Variants in ADORA1 observed in about 807,000 individuals in gnomAD.
ADORA1 encodes adenosine receptor A1.
A neutral mutation model predicts 19.9 loss-of-function variants in ADORA1; 6 were observed. The ratio of observed to expected loss-of-function variants is 0.30; its 90% CI spans 0.17 to 0.59. ADORA1 has a LOEUF of 0.59. Ranked by LOEUF, ADORA1 falls within the 20% of genes least tolerant of loss-of-function variation. The pLI is 0.87. For synonymous variants in ADORA1, 194 were observed against 188.4 expected (o/e 1.03, Z -0.24); for missense variants, 302 against 439.2 (o/e 0.69, Z 2.79).
rs1425055839 is a variant in ADORA1, at chr1:203,166,431, C to A, written c.*531C>A. On this transcript the variant is annotated 3_prime_UTR_variant, in exon 4 of 4. Transcript: ENST00000337894. Reference sequence around the variant, plus strand: ...TGTAGGAGAGACTGGCCAGAGGCAGCTAAGGGGCAGGAATCAAGGAGCCTC... The same window carrying A: ...TGTAGGAGAGACTGGCCAGAGGCAGATAAGGGGCAGGAATCAAGGAGCCTC... The A allele has an allele frequency of 6.6e-6, 1 of 152,582 alleles. No individual in the cohort carries two copies. The highest frequency in any genetic ancestry group is 2.4e-5 in the African/African-American group (1 of 41,426). The allele number at this position is 152,582 out of a possible 1,614,324, so 9.5% of individuals were successfully genotyped here.
In ADORA1 at chr1:203,160,367, A is replaced by G. The variant is rs540792235; in HGVS notation, c.342-4894A>G. On this transcript the variant is annotated intron_variant, in intron 3 of 3. Coordinates refer to ENST00000337894, the MANE Select transcript of ADORA1 (RefSeq NM_000674.3). ...TAATCTGGAAATCTGAAATGCTCAA[A>G]TGAACATTTTTCTTTGAGCGTCTTG... 1.3e-3 allele frequency among the ~76,000 whole-genome samples: 197 copies of G among 152,340 alleles called. 1 individual carries two copies. Among genetic ancestry groups the G allele is most frequent in the African/African-American group, 4.6e-3 (193 of 41,582 alleles).
At chr1:203,164,459 G>A (rs1655468389) in intron 3 of ADORA1, among the ~76,000 whole-genome samples, 1 of 152,238 alleles carries the variant, frequency 6.6e-6, no homozygotes, top group African/African-American at 2.4e-5. Context: ...ATGACTGAAA[G>A]TATCTAGCAT....
chr1:203,141,728 A>G (rs2102744821), intron 3 of ADORA1, among the ~76,000 whole-genome samples: 1 of 151,994 alleles, frequency 6.6e-6, no homozygotes, highest in African/African-American at 2.4e-5. Flanking sequence ...CTATAGGCTC[A>G]TGCCACCACG....
intron 3 of ADORA1, among the ~76,000 whole-genome samples, chr1:203,154,562 G>A (rs1053667518): frequency 6.6e-6 from 1 of 152,162 alleles, no homozygotes; most frequent in African/African-American, 2.4e-5. Context: ...GGTAGAAGCC[G>A]CACCCATGGT....
intron 3 of ADORA1, among the ~76,000 whole-genome samples, chr1:203,139,522 C>T (rs1177539239): frequency 1.3e-5 from 2 of 152,178 alleles, no homozygotes; most frequent in East Asian, 3.8e-4. Context: ...ATGAAGGGCC[C>T]CCCTTAAGTT....
chr1:203,133,828 G>A (rs191353338), intron 3 of ADORA1, among the ~76,000 whole-genome samples: 1 of 152,312 alleles, frequency 6.6e-6, no homozygotes, highest in East Asian at 1.9e-4. Flanking sequence ...GCCAGAGTGG[G>A]GAAAGAAATC....
chr1:203,148,882 C>A (rs764065374), intron 3 of ADORA1, among the ~76,000 whole-genome samples: 17 of 151,948 alleles, frequency 1.1e-4, no homozygotes, highest in Non-Finnish European at 2.4e-4. Context: ...TGTCTCTCTG[C>A]ATTTTTTTTT....
chr1:203,136,848 C>A (rs1413760120), intron 3 of ADORA1, among the ~76,000 whole-genome samples: 2 of 152,230 alleles, frequency 1.3e-5, no homozygotes, highest in Non-Finnish European at 1.5e-5. Flanking sequence ...TAGACCTACT[C>A]ATTCATTAAT....
At position 203,165,797 on chromosome 1, in the gene ADORA1, A is replaced by C; in HGVS notation, c.878A>C (p.Gln293Pro). 1.2e-6 allele frequency: 2 copies of C among 1,613,326 alleles called. No homozygotes were observed. The highest frequency in any genetic ancestry group is 1.7e-6 in the Non-Finnish European group (2 of 1,179,570). The change falls in exon 4 of 4, where the codon CAG (glutamine) becomes CCG (proline). Residue 293 changes from glutamine to proline, a missense_variant. Gln to Pro is a moderately conservative substitution (Grantham distance 76). Coordinates refer to ENST00000337894, the MANE Select transcript of ADORA1 (RefSeq NM_000674.3). This position sits in a 1 kb window ranked among gnomAD's most constrained non-coding sequence, Gnocchi z 5.9. Reference protein sequence around the residue: ...MNPIVYAFRIQKFRVTFLKIW... With the variant: ...MNPIVYAFRIPKFRVTFLKIW... ...CCCATTGTCTATGCCTTCCGCATCC[A>C]GAAGTTCCGCGTCACCTTCCTTAAG...
At chr1:203,153,441 T>C (rs570033022) in intron 3 of ADORA1, among the ~76,000 whole-genome samples, 2 of 152,312 alleles carry the variant, frequency 1.3e-5, no homozygotes, top group South Asian at 2.1e-4. Flanking sequence ...TGTGGAGTTA[T>C]TTGTCCTCAG....
At chr1:203,137,898 A>C (rs961356926) in intron 3 of ADORA1, among the ~76,000 whole-genome samples, 6 of 152,220 alleles carry the variant, frequency 3.9e-5, no homozygotes, top group African/African-American at 1.4e-4. Context: ...ATGTGGAGTC[A>C]AGCAGTTTGC....
chr1:203,134,896 C>T (rs1558127409), intron 3 of ADORA1, among the ~76,000 whole-genome samples: 1 of 152,130 alleles, frequency 6.6e-6, no homozygotes, highest in Admixed American at 6.5e-5. Context: ...ATAAGCATTT[C>T]CCTGTGTCAA....
chr1:203,159,779 C>T (rs1655306232), intron 3 of ADORA1, among the ~76,000 whole-genome samples: 1 of 152,184 alleles, frequency 6.6e-6, no homozygotes. Context: ...TCAATGAATA[C>T]CCCTTTAATA....
In ADORA1 at chr1:203,128,216, G is replaced by T. The variant is rs1654211994; in HGVS notation, c.-212-62G>T. On this transcript the variant is annotated intron_variant, in intron 1 of 3. Coordinates refer to ENST00000337894, the MANE Select transcript of ADORA1 (RefSeq NM_000674.3). The surrounding 1 kb of genome is among the most constrained non-coding windows in gnomAD (Gnocchi z 5.9). ...CCCCAGTCCCAGGTGCGAAACAGGG[G>T]CGCTACCTCTTTAAAAGCGTCCGGG... 1 of 799,590 alleles carries T rather than the reference G, an allele frequency of 1.3e-6. No individual in the cohort carries two copies. Among genetic ancestry groups the T allele is most frequent in the Non-Finnish European group, 1.7e-6 (1 of 579,624 alleles). 49.5% of individuals were successfully genotyped at this position (799,590 alleles called of 1,614,324 possible).
At chr1:203,161,960 G>T (rs1012312107) in intron 3 of ADORA1, among the ~76,000 whole-genome samples, 1 of 152,138 alleles carries the variant, frequency 6.6e-6, no homozygotes, top group Non-Finnish European at 1.5e-5. Context: ...CTGTTCTGTT[G>T]CTCTCCCATT....
chr1:203,146,333 GA>G (rs1654857767), intron 3 of ADORA1, among the ~76,000 whole-genome samples: 1 of 152,160 alleles, frequency 6.6e-6, no homozygotes, highest in Non-Finnish European at 1.5e-5. Context: ...GGGCAAGACA[GA>G]ATATAAGATC....
intron 3 of ADORA1, chr1:203,144,718 C>T (rs150620216): frequency 8.5e-5 from 13 of 152,290 alleles, no homozygotes; most frequent in East Asian, 5.8e-4. Context: ...ATAGGATGGG[C>T]GCCATTCCAA....
chr1:203,148,952 A>G lies in ADORA1; in HGVS notation c.342-16309A>G, dbSNP rs141417106. On this transcript the variant is annotated intron_variant, in intron 3 of 3. Coordinates refer to ENST00000337894, the MANE Select transcript of ADORA1 (RefSeq NM_000674.3). ...GAGTGCAATGGCATGATTTCGGCTCACTGCAACCTCCGCCGCCCGGGTTCA... is the reference window on the plus strand; with the variant it reads ...GAGTGCAATGGCATGATTTCGGCTCGCTGCAACCTCCGCCGCCCGGGTTCA... Among the ~76,000 whole-genome samples the G allele has an allele frequency of 1.5e-3, 235 of 151,812 alleles. 7 individuals carry two copies. The East Asian group carries it at 0.023, about 15-fold the overall frequency.
chr1:203,146,994 T>TC (rs1654878292), intron 3 of ADORA1, among the ~76,000 whole-genome samples: 1 of 152,128 alleles, frequency 6.6e-6, no homozygotes, highest in African/African-American at 2.4e-5. Flanking sequence ...CTGCCACCAT[T>TC]CCATAGGTAG....
Sources: allele counts gnomAD v4.1 joint callset (sites outside exome capture counted in the v4.1 genomes callset), GRCh38; gene constraint gnomAD v4.1.1; non-coding constraint Gnocchi (gnomAD v3.1); transcripts MANE v1.5; gene names NCBI Gene and HGNC (gene_info 2026-07-23, HGNC 2026-07-21).